CACNA2D3: variants seen among roughly 807,000 people sequenced by gnomAD.
CACNA2D3 encodes calcium voltage-gated channel auxiliary subunit alpha2delta 3.
A neutral mutation model predicts 160.6 loss-of-function variants in CACNA2D3; 60 were observed. That is an observed-to-expected ratio of 0.37 (90% CI 0.30 to 0.46). The LOEUF is 0.46. CACNA2D3 is among the 20% of genes least tolerant of loss of function. The pLI, the probability that CACNA2D3 is intolerant of heterozygous loss-of-function variation, is 1.00. For synonymous variants in CACNA2D3, 558 were observed against 492.9 expected (o/e 1.13, Z -1.75); for missense variants, 1,205 against 1,365.0 (o/e 0.88, Z 1.85).
At chr3:54,423,533 G>C (rs774570106) in intron 4 of CACNA2D3, among the ~76,000 whole-genome samples, 1 of 152,164 alleles carries the variant, frequency 6.6e-6, no homozygotes, top group African/African-American at 2.4e-5. Context: ...AGCTTGGAGA[G>C]CAATGCTTAT....
chr3:54,966,934 G>A (rs1702166748), intron 27 of CACNA2D3: 1 of 152,146 alleles, frequency 6.6e-6, no homozygotes, highest in Admixed American at 6.5e-5. Context: ...TTACCTATGG[G>A]TCGTCTGTGT....
chr3:54,785,905 G>A (rs1702632544), intron 13 of CACNA2D3, among the ~76,000 whole-genome samples: 1 of 152,102 alleles, frequency 6.6e-6, no homozygotes, highest in Non-Finnish European at 1.5e-5. Context: ...TCTCCTGCCT[G>A]GAACATCCCT....
rs199983777 is a variant in CACNA2D3 at position 54,333,484 on chromosome 3, ATGT to A, written c.321+12929_321+12931del. Among the ~76,000 whole-genome samples the A allele has an allele frequency of 8.2e-3, 1,242 of 152,068 alleles. 16 individuals are homozygous for A. Among genetic ancestry groups the A allele is most frequent in the African/African-American group, 0.028 (1,173 of 41,456 alleles). The stretch of plus-strand genomic sequence containing the variant: ...ATGCACCTGCCCACCCTTAGAAAGT[ATGT>A]TGCCTTCTCAGTGATCAGAGGCTGT... On this transcript the variant is annotated intron_variant, in intron 3 of 37. Coordinates refer to ENST00000474759, the MANE Select transcript of CACNA2D3 (RefSeq NM_018398.3).
intron 14 of CACNA2D3, among the ~76,000 whole-genome samples, chr3:54,828,015 T>A (rs1228541328): frequency 6.6e-6 from 1 of 152,220 alleles, no homozygotes; most frequent in African/African-American, 2.4e-5. Context: ...CTAGATGGTA[T>A]CTTTGGTTGT....
intron 35 of CACNA2D3, among the ~76,000 whole-genome samples, chr3:55,063,956 A>G (rs1465369057): frequency 6.6e-6 from 1 of 152,246 alleles, no homozygotes; most frequent in East Asian, 1.9e-4. Context: ...TAAAGGTACT[A>G]AAAGGTAAAA....
chr3:55,053,813 A>C (rs1704293063), intron 35 of CACNA2D3, among the ~76,000 whole-genome samples: 1 of 151,950 alleles, frequency 6.6e-6, no homozygotes, highest in South Asian at 2.1e-4. Flanking sequence ...CTTCAAGTAC[A>C]ATGTAAAGGA....
intron 27 of CACNA2D3, among the ~76,000 whole-genome samples, chr3:54,919,179 G>T (rs1366976964): frequency 6.6e-6 from 1 of 152,192 alleles, no homozygotes; most frequent in Non-Finnish European, 1.5e-5. Flanking sequence ...CAATGCAAAA[G>T]CTGACAAGAA....
chr3:54,306,217 A>C (rs1362790464), intron 2 of CACNA2D3, among the ~76,000 whole-genome samples: 5 of 152,156 alleles, frequency 3.3e-5, no homozygotes. Flanking sequence ...GGCACATTAC[A>C]GCATAATAAT....
At chr3:54,626,410 G>A (rs1699103881) in intron 9 of CACNA2D3, 1 of 1,578,564 alleles carries the variant, frequency 6.3e-7, no homozygotes, top group African/African-American at 1.3e-5. Flanking sequence ...CAAGAAGGAG[G>A]CGCTGCCCAT....
rs1271014327 is a variant in CACNA2D3 at position 54,896,224 on chromosome 3, G to C, written c.2247-525G>C. 2.0e-5 allele frequency among the ~76,000 whole-genome samples: 3 copies of C among 152,296 alleles called. No homozygotes were observed. The East Asian group carries it at 5.8e-4, about 29-fold the overall frequency. ...ACAGGGGGCATGAGCAGGCCTGTTT[G>C]TCCAGCGAGGAGGCAGGTGAGGGAA... On this transcript the variant is annotated intron_variant, in intron 25 of 37. Coordinates refer to ENST00000474759, the MANE Select transcript of CACNA2D3 (RefSeq NM_018398.3).
chr3:54,901,636 G>A lies in CACNA2D3; in HGVS notation c.2449+1768G>A, dbSNP rs77538598. On this transcript the variant is annotated intron_variant, in intron 27 of 37. Transcript: ENST00000474759. ...TACTGCTTCTCTGTGTATGCCAAATGGCCCCCATTTTCAGAAGATAATTAC... is the reference window on the plus strand; with the variant it reads ...TACTGCTTCTCTGTGTATGCCAAATAGCCCCCATTTTCAGAAGATAATTAC... Among the ~76,000 whole-genome samples the A allele has an allele frequency of 6.7e-3, 1,017 of 152,290 alleles. 13 individuals carry two copies. Among genetic ancestry groups the A allele is most frequent in the African/African-American group, 0.023 (941 of 41,562 alleles).
At chr3:54,461,695 C>A (rs1201854810) in intron 4 of CACNA2D3, among the ~76,000 whole-genome samples, 1 of 151,668 alleles carries the variant, frequency 6.6e-6, no homozygotes, top group Non-Finnish European at 1.5e-5. Flanking sequence ...TGGTAGTGAT[C>A]TATCAGTTTT....
chr3:54,845,425 G>GA (rs3836395), intron 16 of CACNA2D3, among the ~76,000 whole-genome samples: 20,221 of 149,614 alleles, frequency 0.14, 1,438 homozygotes, highest in South Asian at 0.22. Context: ...AACTCCTCAG[G>GA]AAAAAAAAAT....
At chr3:54,793,028 A>G (rs189543738) in intron 13 of CACNA2D3, among the ~76,000 whole-genome samples, 190 of 152,318 alleles carry the variant, frequency 1.2e-3, no homozygotes, top group African/African-American at 3.3e-3. Flanking sequence ...CTTTTCTTCT[A>G]CATCCATGGA....
chr3:55,008,153 G>T, intron 33 of CACNA2D3, among the ~76,000 whole-genome samples: 1 of 152,176 alleles, frequency 6.6e-6, no homozygotes, highest in East Asian at 1.9e-4. Context: ...CTGCAGCCTG[G>T]GTGGGCTGTG....
intron 13 of CACNA2D3, among the ~76,000 whole-genome samples, chr3:54,764,916 G>A (rs1425996309): frequency 6.6e-6 from 1 of 152,186 alleles, no homozygotes; most frequent in Non-Finnish European, 1.5e-5. Flanking sequence ...AGATTCTGAT[G>A]CTGAATTAGC....
rs9837631 is a variant in CACNA2D3, at chr3:54,711,901, C to T, written c.1168-40698C>T. ...AAGCTAGATAAAGGTTGTCTTCCTCCCCTCCCTCCCTTCCCTTTAAATGCT... is the reference window on the plus strand; with the variant it reads ...AAGCTAGATAAAGGTTGTCTTCCTCTCCTCCCTCCCTTCCCTTTAAATGCT... On this transcript the variant is annotated intron_variant, in intron 11 of 37. Coordinates refer to ENST00000474759, the MANE Select transcript of CACNA2D3 (RefSeq NM_018398.3). Among the ~76,000 whole-genome samples, 9 of 152,252 alleles carry T rather than the reference C, an allele frequency of 5.9e-5. No homozygotes were observed. The East Asian group carries it at 1.7e-3, about 29-fold the overall frequency.
Position 54,569,840 on chromosome 3 carries a change from G to C in CACNA2D3, c.722G>C (p.Cys241Ser), listed in dbSNP as rs1481214199. Reference protein sequence around the residue: ...PDENGVIAFDCRNRKWYIQAA... With the variant: ...PDENGVIAFDSRNRKWYIQAA... ...GAGAATGGAGTCATTGCCTTCGACT[G>C]CAGGAACCGAAAATGGTAGGCAGTG... Residue 241 changes from cysteine (C) to serine (S), a missense_variant, in exon 7 of 38, where the codon TGC becomes TCC. Around this residue, in one of 3 missense-constraint regions of CACNA2D3, gnomAD observed 131 missense variants for 201.5 expected, o/e 0.65. Coordinates refer to ENST00000474759, the MANE Select transcript of CACNA2D3 (RefSeq NM_018398.3). The C allele has an allele frequency of 6.2e-7, 1 of 1,608,376 alleles. No homozygotes were observed. Among genetic ancestry groups the C allele is most frequent in the Non-Finnish European group, 8.5e-7 (1 of 1,177,094 alleles).
At chr3:54,836,451 G>T (rs1412735698) in intron 14 of CACNA2D3, among the ~76,000 whole-genome samples, 1 of 151,760 alleles carries the variant, frequency 6.6e-6, no homozygotes, top group Non-Finnish European at 1.5e-5. Context: ...AGCCAGGATG[G>T]TCTCAGTCTC....
Sources: allele counts gnomAD v4.1 joint callset (sites outside exome capture counted in the v4.1 genomes callset), GRCh38; gene constraint gnomAD v4.1.1; regional missense constraint gnomAD v4.1.1; transcripts MANE v1.5; gene names NCBI Gene and HGNC (gene_info 2026-07-23, HGNC 2026-07-21).